TXNRD3: variants seen among roughly 807,000 people sequenced by gnomAD.
TXNRD3 encodes thioredoxin reductase 3, also known as TXNRD3 neighbor gene protein.
A neutral mutation model predicts 78.2 loss-of-function variants in TXNRD3; 68 were observed. That is an observed-to-expected ratio of 0.87 (90% CI 0.72 to 1.06). The LOEUF (loss-of-function observed/expected upper bound fraction) is 1.06, where lower values mean the gene tolerates loss of function less well. TXNRD3 is among the 50% of genes least tolerant of loss of function. TXNRD3 has a pLI of 0.00. For synonymous variants in TXNRD3, 296 were observed against 300.1 expected (o/e 0.99, Z 0.14); for missense variants, 751 against 809.5 (o/e 0.93, Z 0.88).
At chr3:126,640,098 T>TCCCCCCCAGTCTCTCTTCCTGTATTC (rs1422960857) in intron 6 of TXNRD3, among the ~76,000 whole-genome samples, 121 of 5,854 alleles carry the variant, frequency 0.021, 22 homozygotes, top group Non-Finnish European at 0.081. Context: ...TGTTTTCTTT[T>TCCCCCCCAGTCTCTCTTCCTGTATTC]TTTTTTTTTT....
At chr3:126,646,007 C>T (rs2107627668) in intron 3 of TXNRD3, 104 bp downstream of exon 3, 1 of 816,974 alleles carries the variant, frequency 1.2e-6, no homozygotes. Context: ...CATTTTATAA[C>T]TTCCAAAAGA....
chr3:126,627,329 A>G (rs920328963), intron 10 of TXNRD3, among the ~76,000 whole-genome samples: 2 of 152,230 alleles, frequency 1.3e-5, no homozygotes, highest in African/African-American at 4.8e-5. Flanking sequence ...TTCCACTTAT[A>G]TGAGATTTAG....
chr3:126,647,093 T>C, intron 2 of TXNRD3, 143 bp downstream of exon 2: 3 of 577,744 alleles, frequency 5.2e-6, no homozygotes, highest in Non-Finnish European at 8.6e-6. Context: ...TTAGGGTTCA[T>C]TTTCTGCATG....
chr3:126,648,903 G>C (rs901209611), intron 1 of TXNRD3, among the ~76,000 whole-genome samples: 2 of 152,306 alleles, frequency 1.3e-5, no homozygotes, highest in Admixed American at 1.3e-4. Context: ...TACTCAGGAG[G>C]CTGAGGCAGG....
intron 15 of TXNRD3, 36 bp from the exon 16 acceptor site, chr3:126,608,009 T>A: frequency 7.2e-7 from 1 of 1,383,430 alleles, no homozygotes; most frequent in South Asian, 1.4e-5. Context: ...CATATTTAGA[T>A]GTTAGTATTG....
chr3:126,646,062 T>C, intron 3 of TXNRD3, 49 bp downstream of exon 3: 1 of 1,392,064 alleles, frequency 7.2e-7, no homozygotes, highest in Non-Finnish European at 9.5e-7. Context: ...TAAATACTTT[T>C]TTAAAATATG....
chr3:126,654,921 G>A lies in TXNRD3; in HGVS notation c.70C>T (p.His24Tyr), dbSNP rs1933479059. ...GACAACACGCGCGCCCCTCGGACAT[G>A]GCCCGAGCGGCGGTTGGGGGCATCG... Residue 24 changes from histidine to tyrosine, a missense_variant, in exon 1 of 16, where the codon CAT becomes TAT. His to Tyr is a moderately conservative substitution (Grantham distance 83). Coordinates refer to ENST00000524230, the MANE Select transcript of TXNRD3 (RefSeq NM_052883.3). The A allele has an allele frequency of 1.5e-6, 2 of 1,298,912 alleles. No homozygotes were observed. Among genetic ancestry groups the A allele is most frequent in the South Asian group, 2.4e-5 (1 of 41,160 alleles). The allele number at this position is 1,298,912 out of a possible 1,614,324, so 80.5% of individuals were successfully genotyped here. A position where few individuals can be genotyped will look rare whatever the true frequency, so the allele number is the denominator to read the frequency against.
chr3:126,634,041 G>T lies in TXNRD3; in HGVS notation c.723C>A (p.Asn241Lys). The T allele has an allele frequency of 6.7e-7, 1 of 1,500,746 alleles. No individual in the cohort carries two copies. Among genetic ancestry groups the T allele is most frequent in the Non-Finnish European group, 8.8e-7 (1 of 1,130,600 alleles). 93.0% of individuals were successfully genotyped at this position (1,500,746 alleles called of 1,614,324 possible). ...GAATCGCTTTTGTCATTGTCTCCCA[G>T]TTGTGCCTCACTAAGAAGAAATAAT... The change falls in exon 7 of 16, where the codon AAC becomes AAA. Residue 241 changes from asparagine (N) to lysine (K), a missense_variant. Physicochemically the swap from Asn to Lys is moderately conservative, Grantham distance 94. Transcript: ENST00000524230.
intron 12 of TXNRD3, 69 bp from the exon 13 acceptor site, chr3:126,615,531 T>C (rs778383013): frequency 1.8e-4 from 132 of 748,532 alleles, no homozygotes; most frequent in Middle Eastern, 1.3e-3. Flanking sequence ...ATTGCATATA[T>C]TTATATAAAG....
chr3:126,629,115 A>G (rs1938649104), intron 10 of TXNRD3, among the ~76,000 whole-genome samples: 1 of 152,096 alleles, frequency 6.6e-6, no homozygotes, highest in African/African-American at 2.4e-5. Context: ...AAAATATCTA[A>G]TTTTCCAAAA....
chr3:126,646,968 A>G (rs973041340), intron 2 of TXNRD3, among the ~76,000 whole-genome samples: 1 of 152,242 alleles, frequency 6.6e-6, no homozygotes, highest in Non-Finnish European at 1.5e-5. Context: ...TGGCAGATAC[A>G]TCTGAAATGC....
At chr3:126,637,730 T>C (rs1003611649) in intron 6 of TXNRD3, among the ~76,000 whole-genome samples, 2 of 152,060 alleles carry the variant, frequency 1.3e-5, no homozygotes, top group African/African-American at 2.4e-5. Flanking sequence ...ACTACTCTTA[T>C]GTAAGGTATC....
At chr3:126,618,754 ACAAT>A (rs1008691625) in intron 12 of TXNRD3, among the ~76,000 whole-genome samples, 1 of 152,020 alleles carries the variant, frequency 6.6e-6, no homozygotes, top group African/African-American at 2.4e-5. Context: ...AGCAAAGGAA[ACAAT>A]CAACAGAGTA....
chr3:126,655,034 C>G lies in TXNRD3; in HGVS notation c.-44G>C. On this transcript the variant is annotated 5_prime_UTR_variant, in exon 1 of 16. Transcript: ENST00000524230. The stretch of plus-strand genomic sequence containing the variant: ...GGCCCGGCCGGGCCTGCTCACAAAC[C>G]GAAACGCAGGCGGCTGCGGCGCCGG... The G allele has an allele frequency of 7.7e-7, 1 of 1,292,002 alleles. No homozygotes were observed. The highest frequency in any genetic ancestry group is 3.2e-5 in the East Asian group (1 of 31,088). 80.0% of individuals were successfully genotyped at this position (1,292,002 alleles called of 1,614,324 possible).
intron 10 of TXNRD3, among the ~76,000 whole-genome samples, chr3:126,628,842 GTTCT>G (rs1302583948): frequency 6.6e-6 from 1 of 151,946 alleles, no homozygotes; most frequent in Non-Finnish European, 1.5e-5. Context: ...CTTTGTTGAT[GTTCT>G]TTCTCTACGC....
At chr3:126,649,651 A>C (rs1933325801) in intron 1 of TXNRD3, among the ~76,000 whole-genome samples, 1 of 152,254 alleles carries the variant, frequency 6.6e-6, no homozygotes. Context: ...ACAGTGGAAT[A>C]TGATTCAGTC....
intron 12 of TXNRD3, among the ~76,000 whole-genome samples, chr3:126,621,484 A>C (rs893617184): frequency 2.0e-5 from 3 of 152,142 alleles, no homozygotes; most frequent in Non-Finnish European, 4.4e-5. Context: ...TGCCTGCCTG[A>C]CTCATGATCC....
rs941548340 is a variant in TXNRD3 at position 126,631,720 on chromosome 3, T to C, written c.971+44A>G. On this transcript the variant is annotated intron_variant, in intron 8 of 15. Transcript: ENST00000524230. ...TAAACTGGAAACATGTCAATATAAT[T>C]CAATTTATTAACATTAAAGTTAAAA... The C allele has an allele frequency of 3.0e-5, 36 of 1,194,782 alleles. No homozygotes were observed. In the African/African-American group the frequency reaches 5.3e-4, roughly 18 times the overall value. The allele number at this position is 1,194,782 out of a possible 1,614,324, so 74.0% of individuals were successfully genotyped here.
At chr3:126,615,314 A>T in intron 13 of TXNRD3, 41 bp downstream of exon 13, 1 of 1,025,168 alleles carries the variant, frequency 9.8e-7, no homozygotes, top group Non-Finnish European at 1.4e-6. Context: ...ATTGTTGATT[A>T]AAAGAGAATT....
Sources: allele counts gnomAD v4.1 joint callset (sites outside exome capture counted in the v4.1 genomes callset), GRCh38; gene constraint gnomAD v4.1.1; transcripts MANE v1.5; gene names NCBI Gene and HGNC (gene_info 2026-07-23, HGNC 2026-07-21).